Variants in GLRA3 observed in about 807,000 individuals in gnomAD.
GLRA3 encodes glycine receptor alpha 3.
A neutral mutation model predicts 60.4 loss-of-function variants in GLRA3; 44 were observed. The ratio of observed to expected loss-of-function variants is 0.73; its 90% confidence interval spans 0.57 to 0.94. The LOEUF (loss-of-function observed/expected upper bound fraction) is 0.94, where lower values mean the gene tolerates loss of function less well. Ranked by LOEUF, GLRA3 falls within the 40% of genes least tolerant of loss-of-function variation. The pLI is 0.00. For synonymous variants in GLRA3, 223 were observed against 192.9 expected (o/e 1.16, Z -1.29); for missense variants, 508 against 564.6 (o/e 0.90, Z 1.02).
intron 6 of GLRA3, among the ~76,000 whole-genome samples, chr4:174,680,647 C>T (rs1734306752): frequency 6.6e-6 from 1 of 151,908 alleles, no homozygotes; most frequent in African/African-American, 2.4e-5. Context: ...TATTACGGAG[C>T]AAGGGGAAGA....
intron 2 of GLRA3, among the ~76,000 whole-genome samples, chr4:174,772,837 G>A (rs1328920378): frequency 6.6e-6 from 1 of 152,046 alleles, no homozygotes; most frequent in Non-Finnish European, 1.5e-5. Flanking sequence ...TAATAGTCTG[G>A]GATGGGGACA....
rs891324597 is a variant in GLRA3, at chr4:174,721,656, G to T, written c.492-6086C>A. On this transcript the variant is annotated intron_variant, in intron 4 of 9. Coordinates refer to ENST00000274093, the MANE Select transcript of GLRA3 (RefSeq NM_006529.4). ...TCAGAGGTTCTCCAAATGCCAGAATGTGTAGATCTTTTCTCTTAGGCAAAT... is the reference window on the plus strand; with the variant it reads ...TCAGAGGTTCTCCAAATGCCAGAATTTGTAGATCTTTTCTCTTAGGCAAAT... Among the ~76,000 whole-genome samples, 7 of 151,532 alleles carry T rather than the reference G, an allele frequency of 4.6e-5. No individual in the cohort carries two copies. In the East Asian group the frequency reaches 1.4e-3, roughly 30 times the overall value.
chr4:174,692,207 TC>T (rs1734855920), intron 5 of GLRA3, among the ~76,000 whole-genome samples: 1 of 149,868 alleles, frequency 6.7e-6, no homozygotes, highest in South Asian at 2.1e-4. Context: ...AGCCACCCCG[TC>T]CGGGAGGGAG....
intron 3 of GLRA3, among the ~76,000 whole-genome samples, chr4:174,729,720 A>G (rs1346904568): frequency 6.6e-6 from 1 of 152,252 alleles, no homozygotes; most frequent in African/African-American, 2.4e-5. Flanking sequence ...TAAATTAAAT[A>G]TAGACCTCAT....
intron 5 of GLRA3, among the ~76,000 whole-genome samples, chr4:174,702,787 C>A (rs1561065723): frequency 6.6e-6 from 1 of 152,152 alleles, no homozygotes; most frequent in Non-Finnish European, 1.5e-5. Flanking sequence ...AGACTAGTCT[C>A]AAACTCCTGG....
At chr4:174,700,281 C>T (rs1437698636) in intron 5 of GLRA3, among the ~76,000 whole-genome samples, 1 of 152,134 alleles carries the variant, frequency 6.6e-6, no homozygotes, top group Non-Finnish European at 1.5e-5. Flanking sequence ...AGATTTGTGG[C>T]AACCCTATAT....
At chr4:174,803,683 A>C (rs1739911469) in intron 1 of GLRA3, among the ~76,000 whole-genome samples, 1 of 152,104 alleles carries the variant, frequency 6.6e-6, no homozygotes, top group African/African-American at 2.4e-5. Flanking sequence ...GAATACCATG[A>C]CTCTTTCGGT....
At chr4:174,806,186 T>G (rs1481370348) in intron 1 of GLRA3, among the ~76,000 whole-genome samples, 1 of 152,126 alleles carries the variant, frequency 6.6e-6, no homozygotes, top group Non-Finnish European at 1.5e-5. Flanking sequence ...AGCTTAAAAT[T>G]ATAAACTTAA....
chr4:174,821,855 A>G (rs1010825376), intron 1 of GLRA3, among the ~76,000 whole-genome samples: 1 of 152,158 alleles, frequency 6.6e-6, no homozygotes, highest in African/African-American at 2.4e-5. Context: ...TATAAACTTT[A>G]TGATCTCTTG....
chr4:174,755,513 C>A (rs183537842), intron 3 of GLRA3, among the ~76,000 whole-genome samples: 1 of 152,154 alleles, frequency 6.6e-6, no homozygotes, highest in Non-Finnish European at 1.5e-5. Context: ...AGGAAAATAT[C>A]ATCATAGACT....
At chr4:174,827,462 T>A (rs977768314) in intron 1 of GLRA3, among the ~76,000 whole-genome samples, 1 of 151,716 alleles carries the variant, frequency 6.6e-6, no homozygotes, top group South Asian at 2.1e-4. Context: ...TCAATTTATA[T>A]TTTAACATTA....
At chr4:174,770,522 C>T (rs1738338940) in intron 2 of GLRA3, among the ~76,000 whole-genome samples, 1 of 151,934 alleles carries the variant, frequency 6.6e-6, no homozygotes, top group South Asian at 2.1e-4. Context: ...AAAGCGTTGC[C>T]TATTATAAAT....
intron 7 of GLRA3, among the ~76,000 whole-genome samples, chr4:174,670,691 C>G (rs1318677612): frequency 2.0e-5 from 3 of 152,070 alleles, no homozygotes. Flanking sequence ...ATCTCAAGTA[C>G]AGAGAAAATG....
intron 9 of GLRA3, among the ~76,000 whole-genome samples, chr4:174,649,900 C>T (rs1039922627): frequency 6.6e-6 from 1 of 152,054 alleles, no homozygotes; most frequent in African/African-American, 2.4e-5. Flanking sequence ...TCTTACTGTC[C>T]ATCCCTAAAG....
intron 7 of GLRA3, among the ~76,000 whole-genome samples, chr4:174,673,240 G>A (rs1255364849): frequency 1.3e-5 from 2 of 152,018 alleles, no homozygotes; most frequent in Admixed American, 6.6e-5. Context: ...ATTCCTTCTA[G>A]TACTCAGAGT....
At chr4:174,711,239 A>T (rs1214829176) in intron 5 of GLRA3, among the ~76,000 whole-genome samples, 1 of 151,716 alleles carries the variant, frequency 6.6e-6, no homozygotes, top group Non-Finnish European at 1.5e-5. Flanking sequence ...ACATAAATAA[A>T]TGTTTCCATA....
chr4:174,781,976 C>A lies in GLRA3; in HGVS notation c.199+6840G>T, dbSNP rs1221114298. On this transcript the variant is annotated intron_variant, in intron 2 of 9. Transcript: ENST00000274093. ...TTCCTAACTCATTTTATGAGGCCAG[C>A]ATCATTCTGATACCAAAGCCGGGCA... Among the ~76,000 whole-genome samples the A allele has an allele frequency of 2.6e-5, 4 of 151,124 alleles. No homozygotes were observed. In the East Asian group the frequency reaches 7.8e-4, roughly 29 times the overall value.
rs906039520 is a variant in GLRA3, at chr4:174,639,992, C to A, written c.*3794G>T. The A allele has an allele frequency of 6.6e-6, 1 of 152,158 alleles. No individual in the cohort carries two copies. The highest frequency in any genetic ancestry group is 1.9e-4 in the East Asian group (1 of 5,176). 9.4% of individuals were successfully genotyped at this position (152,158 alleles called of 1,614,324 possible). ...ATCTGTGTGAACATTTACACTATTT[C>A]TTCTAATATATTGTATTAACACCAG... On this transcript the variant is annotated 3_prime_UTR_variant, in exon 10 of 10. Coordinates refer to ENST00000274093, the MANE Select transcript of GLRA3 (RefSeq NM_006529.4).
intron 1 of GLRA3, among the ~76,000 whole-genome samples, chr4:174,815,572 C>T (rs1055188566): frequency 7.9e-5 from 12 of 152,170 alleles, no homozygotes; most frequent in African/African-American, 2.7e-4. Context: ...GTGGAGGTTC[C>T]CAAACATCAG....
Sources: gnomAD v4.1 joint callset for allele counts (sites outside exome capture counted in the v4.1 genomes callset) on GRCh38, gnomAD v4.1.1 for gene constraint, MANE v1.5 for transcripts, NCBI Gene and HGNC (gene_info 2026-07-23, HGNC 2026-07-21) for gene names.